GFOD1: variants seen among roughly 807,000 people sequenced by gnomAD.
The protein encoded by GFOD1 is glucose-fructose oxidoreductase domain-containing protein 1.
In GFOD1, 9 loss-of-function variants were observed where a neutral mutation model predicts 25.4. The ratio of observed to expected loss-of-function variants is 0.35; its 90% confidence interval spans 0.21 to 0.62. The LOEUF is 0.62. Among genes scored for constraint, GFOD1 ranks in the 20% least tolerant of loss-of-function variants. The pLI, the probability that GFOD1 is intolerant of heterozygous loss-of-function variation, is 0.72. For missense variants in GFOD1, 403 were observed against 556.9 expected, an observed-to-expected ratio of 0.72 and a Z score of 2.78; for synonymous variants, 253 against 245.6, an observed-to-expected ratio of 1.03 and a Z score of -0.28.
intron 1 of GFOD1, among the ~76,000 whole-genome samples, chr6:13,462,769 T>C (rs1391250186): frequency 6.6e-6 from 1 of 152,250 alleles, no homozygotes; most frequent in Non-Finnish European, 1.5e-5. Flanking sequence ...ACAGAATTAC[T>C]GGCTTTACAA....
chr6:13,441,416 C>G (rs1347396854), intron 1 of GFOD1, among the ~76,000 whole-genome samples: 1 of 152,200 alleles, frequency 6.6e-6, no homozygotes, highest in Non-Finnish European at 1.5e-5. Context: ...TTACGCATCA[C>G]ATAGATAAAC....
Position 13,486,811 on chromosome 6 carries a change from G to C in GFOD1, c.80C>G (p.Ala27Gly). 2 of 1,613,896 alleles carry C rather than the reference G, an allele frequency of 1.2e-6. No homozygotes were observed. Among genetic ancestry groups the C allele is most frequent in the Middle Eastern group, 3.3e-4 (2 of 6,062 alleles). Residue 27 changes from alanine to glycine, a missense_variant, in exon 1 of 2, where the codon GCG becomes GGG. By Grantham distance (60) the Ala-to-Gly change is moderately conservative (BLOSUM62 0). Transcript: ENST00000379287. ...CGTGCGGCCCCACAGCGCCTTCACC[G>C]CGAAGCCCTCGTCTTTCAGCAGCGG... is the stretch of plus-strand genomic sequence containing the variant. ...IIPLLKDEGFAVKALWGRTQE... is the reference protein window; with the variant it reads ...IIPLLKDEGFGVKALWGRTQE...
intron 1 of GFOD1, among the ~76,000 whole-genome samples, chr6:13,477,254 T>TGTGTGC (rs1562231516): frequency 6.7e-6 from 1 of 149,682 alleles, no homozygotes; most frequent in African/African-American, 2.5e-5. Flanking sequence ...TGTGTGTGTG[T>TGTGTGC]AGATGAGAGA....
chr6:13,460,581 T>C (rs147812885), intron 1 of GFOD1, among the ~76,000 whole-genome samples: 10 of 152,230 alleles, frequency 6.6e-5, no homozygotes, highest in African/African-American at 2.4e-4. Context: ...AAGCAAACAC[T>C]ACATGTTCTA....
At chr6:13,483,792 G>A (rs946617598) in intron 1 of GFOD1, among the ~76,000 whole-genome samples, 5 of 152,212 alleles carry the variant, frequency 3.3e-5, no homozygotes, top group Admixed American at 2.0e-4. Context: ...GGGAGGTAGA[G>A]TGCTGGGTTC....
In GFOD1 at chr6:13,364,669, C is replaced by T. The variant is rs1785003664; in HGVS notation, c.*74G>A. ...GATCCCCACATTCCCCATGGTCACC[C>T]TCTCCCCTCGGCCCTTCCCTCTCTG... On this transcript the variant is annotated 3_prime_UTR_variant, in exon 2 of 2. Transcript: ENST00000379287. This position sits in a 1 kb window ranked among gnomAD's most constrained non-coding sequence, Gnocchi z 4.1. 4 of 1,266,622 alleles carry T rather than the reference C, an allele frequency of 3.2e-6. No individual in the cohort carries two copies. Among genetic ancestry groups the T allele is most frequent in the African/African-American group, 2.9e-5 (2 of 67,904 alleles). The allele number at this position is 1,266,622 out of a possible 1,614,324, so 78.5% of individuals were successfully genotyped here.
intron 1 of GFOD1, among the ~76,000 whole-genome samples, chr6:13,408,658 G>A (rs942538720): frequency 1.3e-5 from 2 of 152,168 alleles, no homozygotes; most frequent in African/African-American, 4.8e-5. Flanking sequence ...TTTCATGTCC[G>A]AAGGTACTCT....
intron 1 of GFOD1, among the ~76,000 whole-genome samples, chr6:13,376,643 G>A (rs1192346142): frequency 6.6e-6 from 1 of 152,198 alleles, no homozygotes; most frequent in East Asian, 1.9e-4. Flanking sequence ...TTGCTGGGTT[G>A]AACTACAATT....
chr6:13,376,022 A>C (rs1785248106), intron 1 of GFOD1, among the ~76,000 whole-genome samples: 2 of 152,214 alleles, frequency 1.3e-5, no homozygotes. Flanking sequence ...GAAAGAAAAG[A>C]AAAGCTTGCT....
chr6:13,423,803 C>T (rs1786301568), intron 1 of GFOD1, among the ~76,000 whole-genome samples: 1 of 152,214 alleles, frequency 6.6e-6, no homozygotes, highest in Non-Finnish European at 1.5e-5. Context: ...TGATCTACCT[C>T]CCGCCCGAAG....
At chr6:13,391,388 C>G (rs1269831945) in intron 1 of GFOD1, among the ~76,000 whole-genome samples, 2 of 151,776 alleles carry the variant, frequency 1.3e-5, no homozygotes, top group East Asian at 3.9e-4. Context: ...ATCCCAGCTA[C>G]TCGGGAGGCT....
intron 1 of GFOD1, among the ~76,000 whole-genome samples, chr6:13,431,936 C>G (rs1298219048): frequency 6.6e-6 from 1 of 152,170 alleles, no homozygotes; most frequent in Non-Finnish European, 1.5e-5. Flanking sequence ...AAAAGCAATT[C>G]TCTCCACCCT....
At chr6:13,371,740 G>A (rs887477404) in intron 1 of GFOD1, among the ~76,000 whole-genome samples, 3 of 152,212 alleles carry the variant, frequency 2.0e-5, no homozygotes, top group African/African-American at 4.8e-5. Flanking sequence ...AGAGGAACGG[G>A]AGGGGCTTTC....
At chr6:13,380,388 A>G (rs747259327) in intron 1 of GFOD1, among the ~76,000 whole-genome samples, 1 of 152,226 alleles carries the variant, frequency 6.6e-6, no homozygotes, top group Non-Finnish European at 1.5e-5. Flanking sequence ...ACCAAAGAAT[A>G]CACTTACTGT....
chr6:13,410,577 G>GGAGAGAGA (rs10530261), intron 1 of GFOD1, among the ~76,000 whole-genome samples: 4,687 of 127,466 alleles, frequency 0.037, 148 homozygotes, highest in African/African-American at 0.047. Flanking sequence ...AAGAAAGAAA[G>GGAGAGAGA]GAGAGAGAGA....
At position 13,461,710 on chromosome 6, in the gene GFOD1, CTTGCCTCTGA is replaced by C. The variant is rs565107865; in HGVS notation, c.253+24918_253+24927del. The stretch of plus-strand genomic sequence containing the variant: ...TTCACTCTCTCCCTCACATGAACTC[CTTGCCTCTGA>C]CTTCAGAGAGAAAGGAGGCTCTTTC... On this transcript the variant is annotated intron_variant, in intron 1 of 1. Coordinates refer to ENST00000379287, the MANE Select transcript of GFOD1 (RefSeq NM_018988.4). Among the ~76,000 whole-genome samples, 222 of 152,280 alleles carry C rather than the reference CTTGCCTCTGA, an allele frequency of 1.5e-3. 1 individual carries two copies. Among genetic ancestry groups the C allele is most frequent in the Middle Eastern group, 0.014 (4 of 294 alleles).
At chr6:13,366,646 T>TTAA (rs112906160) in intron 1 of GFOD1, among the ~76,000 whole-genome samples, 2 of 151,724 alleles carry the variant, frequency 1.3e-5, no homozygotes, top group African/African-American at 4.9e-5. Context: ...TTTTTTTTTT[T>TTAA]AAAAGAGATG....
Position 13,363,259 on chromosome 6 carries a change from G to C in GFOD1, c.*1484C>G, listed in dbSNP as rs1417729565. The C allele has an allele frequency of 6.6e-6, 1 of 152,058 alleles. No individual in the cohort carries two copies. Among genetic ancestry groups the C allele is most frequent in the African/African-American group, 2.4e-5 (1 of 41,318 alleles). The allele number at this position is 152,058 out of a possible 1,614,324, so 9.4% of individuals were successfully genotyped here. A position where few individuals can be genotyped will look rare whatever the true frequency, so the allele number is the denominator to read the frequency against. On this transcript the variant is annotated 3_prime_UTR_variant, in exon 2 of 2. Transcript: ENST00000379287. ...TGTGTGCACGTGCATGTGTGTGTGT[G>C]TCTGTTCCCTTTTGGCACTGCCTGC...
rs70989854 is a variant in GFOD1, at chr6:13,393,780, C to CTTTTTTTTTTTTTTT, written c.254-28133_254-28119dup. On this transcript the variant is annotated intron_variant, in intron 1 of 1. Transcript: ENST00000379287. ...CCTTGGCCAATTTCTTTTTTCTTTT[C>CTTTTTTTTTTTTTTT]TTTTTTTTTTTTTTTTTGAGACGGA... is the stretch of plus-strand genomic sequence containing the variant. Among the ~76,000 whole-genome samples, 132 of 120,198 alleles carry CTTTTTTTTTTTTTTT rather than the reference C, an allele frequency of 1.1e-3. 1 individual carries two copies. The highest frequency in any genetic ancestry group is 1.6e-3 in the Non-Finnish European group (97 of 60,310). The allele number at this position is 120,198 out of a possible 152,430, so 78.9% of individuals were successfully genotyped here. A position where few individuals can be genotyped will look rare whatever the true frequency, so the allele number is the denominator to read the frequency against.
Sources: allele counts gnomAD v4.1 joint callset (sites outside exome capture counted in the v4.1 genomes callset), GRCh38; gene constraint gnomAD v4.1.1; non-coding constraint Gnocchi (gnomAD v3.1); transcripts MANE v1.5; gene names NCBI Gene and HGNC (gene_info 2026-07-23, HGNC 2026-07-21).